Variants in TENM2 observed in about 807,000 individuals in gnomAD.
The protein encoded by TENM2 is teneurin transmembrane protein 2, also known as teneurin-2.
In TENM2, 52 loss-of-function variants were observed where a neutral mutation model predicts 245.2. That is an observed-to-expected ratio of 0.21 (90% CI 0.17 to 0.27). The LOEUF (loss-of-function observed/expected upper bound fraction) is 0.27. Ranked by LOEUF, TENM2 falls within the 10% of genes least tolerant of loss-of-function variation. The pLI, the probability that TENM2 is intolerant of heterozygous loss-of-function variation, is 1.00. For missense variants in TENM2, 3,046 were observed against 3,666.8 expected, an observed-to-expected ratio of 0.83 and a Z score of 4.37; for synonymous variants, 1,363 against 1,438.9, an observed-to-expected ratio of 0.95 and a Z score of 1.19.
intron 2 of TENM2, among the ~76,000 whole-genome samples, chr5:167,529,231 CA>C (rs976151612): frequency 2.6e-5 from 4 of 151,942 alleles, no homozygotes; most frequent in African/African-American, 7.3e-5. Flanking sequence ...AAAAGCAAAT[CA>C]GTCAGCAAAT....
At position 167,550,699 on chromosome 5, in the gene TENM2, AGTGTGTGTGTGTGTGTGTGT is replaced by A. The variant is rs10581183; in HGVS notation, c.502+175258_502+175277del. Among the ~76,000 whole-genome samples the A allele has an allele frequency of 8.6e-3, 977 of 114,172 alleles. 34 individuals are homozygous for A. Among genetic ancestry groups the A allele is most frequent in the African/African-American group, 0.031 (911 of 28,980 alleles). 74.9% of individuals were successfully genotyped at this position (114,172 alleles called of 152,430 possible). A position where few individuals can be genotyped will look rare whatever the true frequency, so the allele number is the denominator to read the frequency against. ...AATTACCTTTTTTTTTGTTGTTGTT[AGTGTGTGTGTGTGTGTGTGT>A]GTGTGTGTGTGTGTGTGTGTGTGTG... On this transcript the variant is annotated intron_variant, in intron 2 of 28. Transcript: ENST00000518659.
intron 2 of TENM2, among the ~76,000 whole-genome samples, chr5:167,382,546 G>C (rs984914561): frequency 1.3e-5 from 2 of 152,170 alleles, no homozygotes; most frequent in Non-Finnish European, 2.9e-5. Flanking sequence ...TTTCTTATTT[G>C]TGAAGAAGAA....
At chr5:167,444,865 G>A (rs1765070485) in intron 2 of TENM2, among the ~76,000 whole-genome samples, 1 of 152,150 alleles carries the variant, frequency 6.6e-6, no homozygotes, top group Non-Finnish European at 1.5e-5. Flanking sequence ...CCCCAAGCAA[G>A]TGTGATCAAA....
chr5:167,145,198 G>A, the TENM2 span, among the ~76,000 whole-genome samples: 10 of 152,160 alleles, frequency 6.6e-5, no homozygotes, highest in African/African-American at 2.2e-4. Context: ...GTAAGGTAAC[G>A]TAGTCGCAGT....
intron 2 of TENM2, chr5:167,754,832 G>A (rs986161587): frequency 2.4e-6 from 1 of 415,410 alleles, no homozygotes; most frequent in Non-Finnish European, 4.1e-6. Context: ...GGCTGGCAGC[G>A]GGGGAGGCGT....
At chr5:167,043,153 G>T in the TENM2 span, among the ~76,000 whole-genome samples, 1 of 152,132 alleles carries the variant, frequency 6.6e-6, no homozygotes, top group Non-Finnish European at 1.5e-5. Flanking sequence ...TAAAACAAAA[G>T]GTTTTATCCA....
At chr5:167,229,012 A>T in the TENM2 span, among the ~76,000 whole-genome samples, 3 of 152,044 alleles carry the variant, frequency 2.0e-5, no homozygotes, top group African/African-American at 7.2e-5. Context: ...AGTTTTGTAA[A>T]TTTGATTCCA....
chr5:167,773,079 A>G (rs1206935426), intron 2 of TENM2, among the ~76,000 whole-genome samples: 1 of 152,192 alleles, frequency 6.6e-6, no homozygotes, highest in African/African-American at 2.4e-5. Flanking sequence ...GAGCCATGGA[A>G]TATATTGAAA....
intron 2 of TENM2, among the ~76,000 whole-genome samples, chr5:167,638,037 A>C (rs1779317216): frequency 6.6e-6 from 1 of 151,748 alleles, no homozygotes; most frequent in Non-Finnish European, 1.5e-5. Context: ...ATAAGAATAC[A>C]AAGGCCAGAT....
intron 2 of TENM2, among the ~76,000 whole-genome samples, chr5:167,860,428 G>A (rs1771672006): frequency 9.1e-6 from 1 of 110,158 alleles, no homozygotes; most frequent in Admixed American, 7.7e-5. Flanking sequence ...GGGGGGGTCA[G>A]CCCCCCTGCC....
At chr5:167,549,589 G>A (rs1185259616) in intron 2 of TENM2, among the ~76,000 whole-genome samples, 1 of 152,092 alleles carries the variant, frequency 6.6e-6, no homozygotes, top group African/African-American at 2.4e-5. Flanking sequence ...GACCTAAAGT[G>A]TCCCTCTTCA....
chr5:167,429,525 T>C (rs1764075500), intron 2 of TENM2, among the ~76,000 whole-genome samples: 1 of 149,372 alleles, frequency 6.7e-6, no homozygotes, highest in Non-Finnish European at 1.5e-5. Context: ...GACTGAAGAA[T>C]AGAAAATAAA....
At chr5:167,698,447 C>T (rs1757913613) in intron 2 of TENM2, among the ~76,000 whole-genome samples, 1 of 152,156 alleles carries the variant, frequency 6.6e-6, no homozygotes, top group African/African-American at 2.4e-5. Context: ...CACTGTCATC[C>T]ATAATGGTCT....
At chr5:167,990,151 G>A (rs567437810) in intron 4 of TENM2, among the ~76,000 whole-genome samples, 1 of 152,150 alleles carries the variant, frequency 6.6e-6, no homozygotes, top group African/African-American at 2.4e-5. Flanking sequence ...TAAATTCGGA[G>A]GACTCCTAAA....
chr5:167,556,987 T>A (rs1773299058), intron 2 of TENM2, among the ~76,000 whole-genome samples: 1 of 152,228 alleles, frequency 6.6e-6, no homozygotes, highest in Non-Finnish European at 1.5e-5. Flanking sequence ...GAATGCACAT[T>A]TCTTTATTTA....
intron 9 of TENM2, among the ~76,000 whole-genome samples, chr5:168,111,298 G>C (rs917503846): frequency 6.6e-5 from 10 of 152,004 alleles, no homozygotes; most frequent in African/African-American, 2.4e-4. Context: ...CTGAACTTTG[G>C]CCCTCTGAGC....
the TENM2 span, among the ~76,000 whole-genome samples, chr5:167,257,481 C>A: frequency 6.6e-6 from 1 of 151,172 alleles, no homozygotes; most frequent in African/African-American, 2.4e-5. Context: ...TTTACTGGGA[C>A]AAGAATGATA....
At chr5:167,313,551 C>A (rs1756172314) in intron 1 of TENM2, among the ~76,000 whole-genome samples, 1 of 152,108 alleles carries the variant, frequency 6.6e-6, no homozygotes, top group Non-Finnish European at 1.5e-5. Context: ...GCAGGAGAAC[C>A]ATTTGAACCA....
At chr5:167,276,067 A>G in the TENM2 span, among the ~76,000 whole-genome samples, 255 of 151,974 alleles carry the variant, frequency 1.7e-3, 1 homozygote, top group African/African-American at 5.9e-3. Context: ...CATGGTGTGT[A>G]ATTGTGTTTA....
Sources: allele counts gnomAD v4.1 joint callset (sites outside exome capture counted in the v4.1 genomes callset), GRCh38; gene constraint gnomAD v4.1.1; transcripts MANE v1.5; gene names NCBI Gene and HGNC (gene_info 2026-07-23, HGNC 2026-07-21).